Variants in SOS2 observed in about 807,000 individuals in gnomAD.
SOS2 encodes the protein SOS Ras/Rho guanine nucleotide exchange factor 2, also known as son of sevenless homolog 2.
Under a neutral mutation model 148.2 loss-of-function variants are expected in SOS2, and 65 were observed. That is an observed-to-expected ratio of 0.44 (90% CI 0.36 to 0.54). The LOEUF is 0.54. Among genes scored for constraint, SOS2 ranks in the 20% least tolerant of loss-of-function variants. The probability of loss-of-function intolerance (pLI) is 0.00; values close to 1 mark genes in which losing one functional copy is unlikely to be tolerated. For missense variants in SOS2, 1,341 were observed against 1,590.2 expected, an observed-to-expected ratio of 0.84 and a Z score of 2.67; for synonymous variants, 539 against 537.1, an observed-to-expected ratio of 1.00 and a Z score of -0.05.
chr14:50,164,967 G>A (rs185775916), intron 8 of SOS2, among the ~76,000 whole-genome samples: 13 of 151,658 alleles, frequency 8.6e-5, no homozygotes, highest in Non-Finnish European at 1.8e-4. Context: ...TGTGCAGATC[G>A]TTTTTTTAGT....
At chr14:50,227,243 CTTTCTTTTTTTTTT>C (rs1887406105) in intron 1 of SOS2, among the ~76,000 whole-genome samples, 1 of 112,650 alleles carries the variant, frequency 8.9e-6, no homozygotes, top group Non-Finnish European at 1.7e-5. Flanking sequence ...TTCTTTCTTT[CTTTCTTTTTTTTTT>C]TTTTTGAGAC....
chr14:50,119,688 A>C (rs1883433800), intron 22 of SOS2, among the ~76,000 whole-genome samples: 2 of 151,514 alleles, frequency 1.3e-5, no homozygotes, highest in South Asian at 4.2e-4. Context: ...GGTGCCCGCC[A>C]CCATGCCCGG....
At position 50,136,635 on chromosome 14, in the gene SOS2, G is replaced by A. The variant is rs112109912; in HGVS notation, c.2958+1977C>T. On this transcript the variant is annotated intron_variant, in intron 18 of 22. Transcript: ENST00000216373. ...GATGCAGTCTCGCTCTGTCACCTAG[G>A]CTAGAGTGCAGTGGCTCTATCTCAG... 2.6e-3 allele frequency among the ~76,000 whole-genome samples: 385 copies of A among 149,046 alleles called. 3 individuals carry two copies. Among genetic ancestry groups the A allele is most frequent in the African/African-American group, 8.8e-3 (357 of 40,400 alleles).
chr14:50,126,070 T>TA (rs1404155776), intron 21 of SOS2, among the ~76,000 whole-genome samples: 3 of 152,176 alleles, frequency 2.0e-5, no homozygotes, highest in Non-Finnish European at 2.9e-5. Flanking sequence ...TGGATATAGA[T>TA]ACAGCACTTC....
At chr14:50,211,165 G>C (rs1236385627) in intron 1 of SOS2, among the ~76,000 whole-genome samples, 1 of 151,954 alleles carries the variant, frequency 6.6e-6, no homozygotes, top group African/African-American at 2.4e-5. Flanking sequence ...ATGGGATGTT[G>C]GTGTAAAATA....
At chr14:50,174,583 T>A in intron 7 of SOS2, 31 bp from the exon 8 acceptor site, 1 of 1,341,718 alleles carries the variant, frequency 7.5e-7, no homozygotes, top group East Asian at 2.3e-5. Context: ...ACAGTATGTA[T>A]GTCTCTGACA....
At chr14:50,181,644 C>A (rs1428708684) in intron 6 of SOS2, among the ~76,000 whole-genome samples, 1 of 151,726 alleles carries the variant, frequency 6.6e-6, no homozygotes, top group Non-Finnish European at 1.5e-5. Context: ...TTAACATGGA[C>A]AATGTTTATG....
chr14:50,163,029 G>C (rs1287306937), intron 8 of SOS2, among the ~76,000 whole-genome samples: 3 of 150,556 alleles, frequency 2.0e-5, no homozygotes, highest in Non-Finnish European at 4.4e-5. Flanking sequence ...AGCCTCCCAA[G>C]TAGCTAGAAC....
Position 50,208,424 on chromosome 14 carries a change from G to C in SOS2, c.88-4015C>G, listed in dbSNP as rs553057807. On this transcript the variant is annotated intron_variant, in intron 1 of 22. Transcript: ENST00000216373. ...CCCAGCACTTTGGGAGGCTGAGACG[G>C]GGGGATCACAAGGTCAGAGTTTGAG... Among the ~76,000 whole-genome samples the C allele has an allele frequency of 2.6e-5, 4 of 152,220 alleles. No individual in the cohort carries two copies. In the East Asian group the frequency reaches 7.7e-4, roughly 29 times the overall value.
chr14:50,212,060 T>A (rs1322123525), intron 1 of SOS2, among the ~76,000 whole-genome samples: 1 of 152,054 alleles, frequency 6.6e-6, no homozygotes, highest in Non-Finnish European at 1.5e-5. Context: ...AAAGAATACA[T>A]ACAATGGGAT....
chr14:50,224,345 ACACAC>A (rs2139867339), intron 1 of SOS2, among the ~76,000 whole-genome samples: 1 of 148,754 alleles, frequency 6.7e-6, no homozygotes, highest in East Asian at 2.0e-4. Flanking sequence ...ACACACACAC[ACACAC>A]ACACACACAC....
chr14:50,190,344 T>C (rs1325602012), intron 4 of SOS2, among the ~76,000 whole-genome samples: 3 of 152,162 alleles, frequency 2.0e-5, no homozygotes, highest in South Asian at 2.1e-4. Flanking sequence ...TAACAGATAT[T>C]CATTCATTCA....
chr14:50,194,318 G>A (rs1187590920), intron 4 of SOS2, among the ~76,000 whole-genome samples: 1 of 152,048 alleles, frequency 6.6e-6, no homozygotes, highest in Admixed American at 6.6e-5. Context: ...AAAGTTTGTT[G>A]ACCCATGAAT....
In SOS2 at chr14:50,231,238, T is replaced by G; in HGVS notation, c.46A>C (p.Ser16Arg). The G allele has an allele frequency of 6.6e-7, 1 of 1,512,082 alleles. No individual in the cohort carries two copies. Among genetic ancestry groups the G allele is most frequent in the Non-Finnish European group, 8.9e-7 (1 of 1,118,938 alleles). 93.7% of individuals were successfully genotyped at this position (1,512,082 alleles called of 1,614,324 possible). A position where few individuals can be genotyped will look rare whatever the true frequency, so the allele number is the denominator to read the frequency against. Residue 16 changes from serine (S) to arginine (R), a missense_variant, in exon 1 of 23, where the codon AGT becomes CGT. Around this residue, in one of 4 missense-constraint regions of SOS2, gnomAD observed 574 missense variants for 711.1 expected, o/e 0.81. Coordinates refer to ENST00000216373, the MANE Select transcript of SOS2 (RefSeq NM_006939.4). ...ACCAACAGTCCCCGCCATTTCGGAC[T>G]GTTCTCCTCGCTGAAGAACTCGTAA... ...QPYEFFSEEN[S>R]PKWRGLLVSA... is the part of the protein sequence containing the mutation.
intron 9 of SOS2, 120 bp downstream of exon 9, chr14:50,161,362 T>A: frequency 1.3e-6 from 1 of 772,258 alleles, no homozygotes; most frequent in Non-Finnish European, 2.1e-6. Context: ...TATATAAAAG[T>A]ATGACAAGCA....
chr14:50,143,329 G>GAAAAAAAA (rs11455809), intron 16 of SOS2, among the ~76,000 whole-genome samples: 1 of 126,776 alleles, frequency 7.9e-6, no homozygotes, highest in Non-Finnish European at 1.6e-5. Context: ...GACTCTTTAG[G>GAAAAAAAA]AAAAAAAAAA....
At chr14:50,160,859 G>A (rs1302744850) in intron 9 of SOS2, among the ~76,000 whole-genome samples, 1 of 152,008 alleles carries the variant, frequency 6.6e-6, no homozygotes, top group African/African-American at 2.4e-5. Flanking sequence ...AATTAGGCAG[G>A]TGTGTTGGCA....
rs2024811 is a variant in SOS2, at chr14:50,182,370, C to T, written c.858+93G>A. The T allele has an allele frequency of 0.22, 240,504 of 1,099,808 alleles. 29,728 individuals are homozygous for T. The highest frequency in any genetic ancestry group is 0.48 in the East Asian group (19,719 of 41,358). 68.1% of individuals were successfully genotyped at this position (1,099,808 alleles called of 1,614,324 possible). A position where few individuals can be genotyped will look rare whatever the true frequency, so the allele number is the denominator to read the frequency against. On this transcript the variant is annotated intron_variant, in intron 6 of 22. Coordinates refer to ENST00000216373, the MANE Select transcript of SOS2 (RefSeq NM_006939.4). ...TAATTATTTTACTTTTTTATGGAAACGGGGTCTCACTATGTTGCCAAGACT... is the reference window on the plus strand; with the variant it reads ...TAATTATTTTACTTTTTTATGGAAATGGGGTCTCACTATGTTGCCAAGACT...
At chr14:50,133,247 TTC>T (rs1491409754) in intron 19 of SOS2, among the ~76,000 whole-genome samples, 11 of 131,162 alleles carry the variant, frequency 8.4e-5, no homozygotes, top group African/African-American at 1.8e-4. Context: ...TTTTTCTTTT[TTC>T]TTTTTTTTTT....
Sources: gnomAD v4.1 joint callset for allele counts (sites outside exome capture counted in the v4.1 genomes callset) on GRCh38, gnomAD v4.1.1 for gene constraint, gnomAD v4.1.1 regional missense constraint, MANE v1.5 for transcripts, NCBI Gene and HGNC (gene_info 2026-07-23, HGNC 2026-07-21) for gene names.